The following TOP1 variants were observed in gnomAD, a reference collection of about 807,000 sequenced individuals.
The protein encoded by TOP1 is DNA topoisomerase I.
In TOP1, 10 loss-of-function variants were observed where a neutral mutation model predicts 111.1. The observed-to-expected ratio is 0.09, with a 90% confidence interval of 0.06 to 0.15. The LOEUF (loss-of-function observed/expected upper bound fraction) is 0.15, where lower values mean the gene tolerates loss of function less well. Ranked by LOEUF, TOP1 falls within the 10% of genes least tolerant of loss-of-function variation. TOP1 has a pLI of 1.00. For missense variants in TOP1, 474 were observed against 926.7 expected, an observed-to-expected ratio of 0.51 and a Z score of 6.34; for synonymous variants, 271 against 302.9, an observed-to-expected ratio of 0.89 and a Z score of 1.10.
chr20:41,072,139 C>T (rs1407674547), intron 3 of TOP1: 1 of 704,986 alleles, frequency 1.4e-6, no homozygotes, highest in African/African-American at 1.9e-5. Flanking sequence ...TTTAGCCCTA[C>T]TGAAGTTTCT....
In TOP1 at chr20:41,097,489, A is replaced by T. The variant is rs1256020353; in HGVS notation, c.852+148A>T. ...TTAAACTTGCGTATTTTTTGTCTTC[A>T]TTTACTATATTATGTAGGGTTTCTG... On this transcript the variant is annotated intron_variant, in intron 10 of 20. Transcript: ENST00000361337. This position sits in a 1 kb window ranked among gnomAD's most constrained non-coding sequence, Gnocchi z 4.2. The T allele has an allele frequency of 1.3e-6, 1 of 784,516 alleles. No individual in the cohort carries two copies. The highest frequency in any genetic ancestry group is 1.8e-5 in the African/African-American group (1 of 56,094). 48.6% of individuals were successfully genotyped at this position (784,516 alleles called of 1,614,324 possible).
At chr20:41,057,245 G>T (rs2033484909) in intron 2 of TOP1, among the ~76,000 whole-genome samples, 1 of 151,824 alleles carries the variant, frequency 6.6e-6, no homozygotes, top group Admixed American at 6.6e-5. Context: ...CAGCCTGGGT[G>T]ACAGAGTGCA....
rs954385048 is a variant in TOP1 at position 41,032,299 on chromosome 20, C to T, written c.58+2844C>T. 6.6e-6 allele frequency among the ~76,000 whole-genome samples: 1 copy of T among 151,920 alleles called. No homozygotes were observed. Reference sequence around the variant, plus strand: ...CAATATTTAAAATTGTAGCTCTTTGCATGTAATTTAGAACATTCTGACCCA... The same window carrying T: ...CAATATTTAAAATTGTAGCTCTTTGTATGTAATTTAGAACATTCTGACCCA... On this transcript the variant is annotated intron_variant, in intron 2 of 20. Transcript: ENST00000361337. The surrounding 1 kb of genome is among the most constrained non-coding windows in gnomAD (Gnocchi z 4.3).
intron 2 of TOP1, among the ~76,000 whole-genome samples, chr20:41,045,017 G>A (rs2033316358): frequency 6.6e-6 from 1 of 152,098 alleles, no homozygotes; most frequent in South Asian, 2.1e-4. Context: ...CAAACTCCTG[G>A]CCTCTAGTGA....
Position 41,119,326 on chromosome 20 carries a change from A to T in TOP1, c.1950+1030A>T, listed in dbSNP as rs75019811. On this transcript the variant is annotated intron_variant, in intron 18 of 20. Coordinates refer to ENST00000361337, the MANE Select transcript of TOP1 (RefSeq NM_003286.4). ...AACTGAAGAAGAAATACTAAATTTC[A>T]GCTAGAAGCTGGGTGCAGTGGCTCA... 4.7e-3 allele frequency among the ~76,000 whole-genome samples: 712 copies of T among 152,352 alleles called. 9 individuals are homozygous for T. Among genetic ancestry groups the T allele is most frequent in the East Asian group, 0.029 (152 of 5,188 alleles).
Position 41,080,045 on chromosome 20 carries a change from A to G in TOP1, c.336-40A>G, listed in dbSNP as rs1169754742. 1.7e-6 allele frequency: 2 copies of G among 1,161,188 alleles called. No homozygotes were observed. The highest frequency in any genetic ancestry group is 1.3e-6 in the Non-Finnish European group (1 of 779,232). 71.9% of individuals were successfully genotyped at this position (1,161,188 alleles called of 1,614,324 possible). A position where few individuals can be genotyped will look rare whatever the true frequency, so the allele number is the denominator to read the frequency against. On this transcript the variant is annotated intron_variant, in intron 5 of 20. Coordinates refer to ENST00000361337, the MANE Select transcript of TOP1 (RefSeq NM_003286.4). This position sits in a 1 kb window ranked among gnomAD's most constrained non-coding sequence, Gnocchi z 5.0. ...CCTTCTTTGTATTAATAGAATACAG[A>G]TGTTCTAGCACTCTGACCAGCAATT...
intron 13 of TOP1, among the ~76,000 whole-genome samples, chr20:41,105,811 G>A (rs1165033798): frequency 6.6e-6 from 1 of 152,140 alleles, no homozygotes; most frequent in Admixed American, 6.6e-5. Context: ...CTCTTGTTAA[G>A]AGGCATTTAG....
At chr20:41,043,490 G>T (rs556438241) in intron 2 of TOP1, among the ~76,000 whole-genome samples, 86 of 152,356 alleles carry the variant, frequency 5.6e-4, no homozygotes, top group Non-Finnish European at 1.2e-3. Context: ...TGCCACTTCA[G>T]TAGGAGAGGT....
In TOP1 at chr20:41,112,569, C is replaced by G. The variant is rs950380255; in HGVS notation, c.1309-213C>G. ...AAGGTCAAGTTCCTGCTCTTTTGTT[C>G]AAAGTCTTGCTTTGTCACCCATGGT... On this transcript the variant is annotated intron_variant, in intron 13 of 20. Coordinates refer to ENST00000361337, the MANE Select transcript of TOP1 (RefSeq NM_003286.4). This position sits in a 1 kb window ranked among gnomAD's most constrained non-coding sequence, Gnocchi z 5.8. 2.0e-5 allele frequency among the ~76,000 whole-genome samples: 3 copies of G among 152,254 alleles called. No individual in the cohort carries two copies. Among genetic ancestry groups the G allele is most frequent in the African/African-American group, 7.2e-5 (3 of 41,460 alleles).
Position 41,080,794 on chromosome 20 carries a change from A to G in TOP1, c.432-371A>G, listed in dbSNP as rs974639660. 8.5e-5 allele frequency among the ~76,000 whole-genome samples: 13 copies of G among 152,330 alleles called. No homozygotes were observed. The highest frequency in any genetic ancestry group is 3.1e-4 in the African/African-American group (13 of 41,594). Reference sequence around the variant, plus strand: ...CTCCACATTCCAGTGAGTTACTGCTATGTGGTAGCTAGTGTGCTGTGTGTT... The same window carrying G: ...CTCCACATTCCAGTGAGTTACTGCTGTGTGGTAGCTAGTGTGCTGTGTGTT... On this transcript the variant is annotated intron_variant, in intron 6 of 20. Coordinates refer to ENST00000361337, the MANE Select transcript of TOP1 (RefSeq NM_003286.4). This position sits in a 1 kb window ranked among gnomAD's most constrained non-coding sequence, Gnocchi z 5.0.
At chr20:41,089,767 G>C (rs529205438) in intron 8 of TOP1, among the ~76,000 whole-genome samples, 1 of 152,020 alleles carries the variant, frequency 6.6e-6, no homozygotes, top group East Asian at 1.9e-4. Context: ...AGGACCACAC[G>C]AGGGTGCTAG....
rs955560937 is a variant in TOP1, at chr20:41,028,837, G to A, written c.-231G>A. The A allele has an allele frequency of 7.6e-6, 4 of 525,790 alleles. No homozygotes were observed. Among genetic ancestry groups the A allele is most frequent in the South Asian group, 2.3e-5 (1 of 42,950 alleles). The allele number at this position is 525,790 out of a possible 1,614,324, so 32.6% of individuals were successfully genotyped here. A position where few individuals can be genotyped will look rare whatever the true frequency, so the allele number is the denominator to read the frequency against. ...GCAGTGAGCCCAAATGCGAACTTAG[G>A]CTGTTACACAACTGCTGGGGTCTGT... On this transcript the variant is annotated 5_prime_UTR_variant, in exon 1 of 21. Transcript: ENST00000361337.
At chr20:41,055,364 T>A (rs2033457569) in intron 2 of TOP1, among the ~76,000 whole-genome samples, 1 of 152,214 alleles carries the variant, frequency 6.6e-6, no homozygotes, top group Admixed American at 6.5e-5. Flanking sequence ...TGAATTCCAG[T>A]TAAGGGGAAA....
chr20:41,075,275 C>CA (rs1278770543), intron 3 of TOP1, among the ~76,000 whole-genome samples: 1 of 152,280 alleles, frequency 6.6e-6, no homozygotes, highest in South Asian at 2.1e-4. Context: ...GGGTTCATGC[C>CA]ATTCTCCTGC....
At chr20:41,089,893 C>G (rs895068029) in intron 8 of TOP1, among the ~76,000 whole-genome samples, 3 of 152,128 alleles carry the variant, frequency 2.0e-5, no homozygotes, top group Non-Finnish European at 4.4e-5. Flanking sequence ...ATTGATGTTG[C>G]ATATTTTTGC....
At position 41,067,082 on chromosome 20, in the gene TOP1, G is replaced by T. The variant is rs1255957853; in HGVS notation, c.155+5592G>T. 6.6e-6 allele frequency among the ~76,000 whole-genome samples: 1 copy of T among 152,038 alleles called. No homozygotes were observed. Among genetic ancestry groups the T allele is most frequent in the Admixed American group, 6.5e-5 (1 of 15,280 alleles). The stretch of plus-strand genomic sequence containing the variant: ...ATGTCTACTGACACAGTACCTCTTT[G>T]CAACAAAGCAAGGATATTGGTTATA... On this transcript the variant is annotated intron_variant, in intron 3 of 20. Coordinates refer to ENST00000361337, the MANE Select transcript of TOP1 (RefSeq NM_003286.4). The surrounding 1 kb of genome is among the most constrained non-coding windows in gnomAD (Gnocchi z 4.0).
chr20:41,054,018 A>G (rs1200797344), intron 2 of TOP1, among the ~76,000 whole-genome samples: 2 of 152,210 alleles, frequency 1.3e-5, no homozygotes, highest in Non-Finnish European at 2.9e-5. Flanking sequence ...GGCAAAAAGT[A>G]TCTTAGATTT....
chr20:41,086,705 T>C (rs955744182), intron 8 of TOP1, among the ~76,000 whole-genome samples: 7 of 152,192 alleles, frequency 4.6e-5, no homozygotes, highest in Admixed American at 4.6e-4. Flanking sequence ...TGACTTTTGG[T>C]TTTTATTCTT....
chr20:41,086,805 A>C (rs895814836), intron 8 of TOP1, among the ~76,000 whole-genome samples: 4 of 152,156 alleles, frequency 2.6e-5, no homozygotes, highest in African/African-American at 9.7e-5. Context: ...TAACGCATGC[A>C]TTTCTCAGGT....
Sources: gnomAD v4.1 joint callset for allele counts (sites outside exome capture counted in the v4.1 genomes callset) on GRCh38, gnomAD v4.1.1 for gene constraint, Gnocchi (gnomAD v3.1) non-coding constraint, MANE v1.5 for transcripts, NCBI Gene and HGNC (gene_info 2026-07-23, HGNC 2026-07-21) for gene names.